COL6A6: variants seen among roughly 807,000 people sequenced by gnomAD.
COL6A6 encodes collagen alpha-6(VI) chain.
COL6A6 carries 183 observed loss-of-function variants against 208.6 expected under a neutral mutation model. The observed-to-expected ratio is 0.88, with a 90% confidence interval of 0.78 to 0.99. The LOEUF (loss-of-function observed/expected upper bound fraction) is 0.99, where lower values mean the gene tolerates loss of function less well. Among genes scored for constraint, COL6A6 ranks in the 50% least tolerant of loss-of-function variants. COL6A6 has a pLI of 0.00. For synonymous variants in COL6A6, 973 were observed against 1,011.8 expected (o/e 0.96, Z 0.73); for missense variants, 2,816 against 2,815.2 (o/e 1.00, Z -0.01).
chr3:130,659,726 G>C (rs1015754667), intron 34 of COL6A6, among the ~76,000 whole-genome samples: 1 of 152,156 alleles, frequency 6.6e-6, no homozygotes, highest in South Asian at 2.1e-4. Context: ...TCATTCTTCT[G>C]CTCCCTAAAC....
At chr3:130,593,476 A>C (rs1012334801) in intron 17 of COL6A6, among the ~76,000 whole-genome samples, 1 of 152,134 alleles carries the variant, frequency 6.6e-6, no homozygotes, top group African/African-American at 2.4e-5. Flanking sequence ...GCTTTACTCC[A>C]TCTGTCACTT....
At chr3:130,569,468 G>A (rs1161324632) in intron 6 of COL6A6, among the ~76,000 whole-genome samples, 1 of 152,144 alleles carries the variant, frequency 6.6e-6, no homozygotes, top group Non-Finnish European at 1.5e-5. Context: ...GACCCATAGG[G>A]CTTGATGACA....
At chr3:130,543,697 CACAT>C (rs2062427682) in intron 1 of COL6A6, among the ~76,000 whole-genome samples, 1 of 152,168 alleles carries the variant, frequency 6.6e-6, no homozygotes, top group South Asian at 2.1e-4. Context: ...TATACACACA[CACAT>C]ACAAGCATAT....
chr3:130,603,437 C>G (rs2064085710), intron 20 of COL6A6, among the ~76,000 whole-genome samples: 1 of 152,086 alleles, frequency 6.6e-6, no homozygotes, highest in Admixed American at 6.5e-5. Context: ...TAAGCTGTTA[C>G]CAGTGCTATG....
intron 36 of COL6A6, among the ~76,000 whole-genome samples, chr3:130,672,127 C>T (rs1398909848): frequency 6.6e-6 from 1 of 152,224 alleles, no homozygotes; most frequent in Non-Finnish European, 1.5e-5. Flanking sequence ...TGCATCCAGT[C>T]AACTAATAGA....
intron 12 of COL6A6, 80 bp from the exon 13 acceptor site, chr3:130,590,961 C>T: frequency 9.5e-7 from 1 of 1,050,900 alleles, no homozygotes; most frequent in Non-Finnish European, 1.4e-6. Flanking sequence ...TGAAGTAAAA[C>T]TGTAAAACTG....
At chr3:130,599,733 C>A (rs764489576) in intron 19 of COL6A6, 24 bp from the exon 20 acceptor site, 4 of 1,612,950 alleles carry the variant, frequency 2.5e-6, no homozygotes, top group Non-Finnish European at 2.5e-6. Context: ...ATTACCGTCA[C>A]ACATCTGTCT....
intron 26 of COL6A6, among the ~76,000 whole-genome samples, chr3:130,634,048 A>G (rs1412719136): frequency 1.5e-5 from 1 of 65,538 alleles, no homozygotes; most frequent in African/African-American, 1.5e-4. Context: ...AACTTAGAGT[A>G]TAATAAAAAA....
intron 7 of COL6A6, 75 bp downstream of exon 7, chr3:130,571,468 T>C: frequency 9.1e-7 from 1 of 1,104,834 alleles, no homozygotes; most frequent in Non-Finnish European, 1.3e-6. Context: ...GCAATGGCTC[T>C]CAGGAACAAG....
chr3:130,571,439 A>G (rs1434282726), intron 7 of COL6A6, 46 bp downstream of exon 7: 25 of 1,397,718 alleles, frequency 1.8e-5, no homozygotes, highest in Non-Finnish European at 2.3e-5. Context: ...GCAGAGGGAC[A>G]AATGAGAGAG....
chr3:130,587,586 G>A (rs996992337), intron 11 of COL6A6, among the ~76,000 whole-genome samples: 3 of 152,212 alleles, frequency 2.0e-5, no homozygotes, highest in African/African-American at 7.2e-5. Flanking sequence ...AAACTCAAGT[G>A]GTAAAGTGTC....
intron 33 of COL6A6, among the ~76,000 whole-genome samples, chr3:130,655,494 T>C (rs2108434028): frequency 6.6e-6 from 1 of 152,148 alleles, no homozygotes; most frequent in South Asian, 2.1e-4. Flanking sequence ...CAAATAAACT[T>C]GAAGAGCTCA....
In COL6A6 at chr3:130,565,600, A is replaced by T. The variant is rs777130542; in HGVS notation, c.1268A>T (p.Glu423Val). 1 of 1,611,806 alleles carries T rather than the reference A, an allele frequency of 6.2e-7. No homozygotes were observed. Among genetic ancestry groups the T allele is most frequent in the Non-Finnish European group, 8.5e-7 (1 of 1,178,884 alleles). ...GTCTCTGTCTTTTCAGAGAGGACTG[A>T]AACGCTCAAATCTGGTAAGGTCTTC... Reference protein sequence around the residue: ...HTVSVFSERTETLKSGCVDTE... With the variant: ...HTVSVFSERTVTLKSGCVDTE... Residue 423 changes from glutamate to valine, a missense_variant, in exon 4 of 37, where the codon GAA becomes GTA. Physicochemically the swap from Glu to Val is moderately radical, Grantham distance 121. Coordinates refer to ENST00000358511, the MANE Select transcript of COL6A6 (RefSeq NM_001102608.3).
At chr3:130,623,162 T>G (rs1479553734) in intron 24 of COL6A6, among the ~76,000 whole-genome samples, 1 of 151,934 alleles carries the variant, frequency 6.6e-6, no homozygotes, top group Non-Finnish European at 1.5e-5. Flanking sequence ...AGTGTAGAAA[T>G]ATTATGAAGC....
chr3:130,584,534 C>T (rs1253736094), intron 10 of COL6A6, among the ~76,000 whole-genome samples: 2 of 152,008 alleles, frequency 1.3e-5, no homozygotes, highest in Non-Finnish European at 2.9e-5. Context: ...CAGGAAAGTC[C>T]CAGGAAATGA....
chr3:130,607,096 A>C (rs901659662), intron 21 of COL6A6, 130 bp downstream of exon 21: 1 of 630,906 alleles, frequency 1.6e-6, no homozygotes, highest in Non-Finnish European at 2.6e-6. Flanking sequence ...AAAGCTGAAA[A>C]AATTTTAGGT....
At chr3:130,539,837 G>A (rs1265520981) in intron 1 of COL6A6, among the ~76,000 whole-genome samples, 2 of 152,132 alleles carry the variant, frequency 1.3e-5, no homozygotes. Flanking sequence ...CCTGCTGTCA[G>A]CATTTAAATG....
At chr3:130,557,910 A>G (rs2062802034) in intron 1 of COL6A6, among the ~76,000 whole-genome samples, 1 of 152,188 alleles carries the variant, frequency 6.6e-6, no homozygotes, top group African/African-American at 2.4e-5. Flanking sequence ...AGAGATCTAG[A>G]TTTTTTAAAA....
chr3:130,568,440 G>C lies in COL6A6; in HGVS notation c.2237G>C (p.Arg746Pro), dbSNP rs371129727. ...GTAAAGGAACCAGCAGTAGTGCTTC[G>C]GCAAGAAGGTGTAATCATCTATTCT... Reference protein sequence around the residue: ...DIVKEPAVVLRQEGVIIYSVG... With the variant: ...DIVKEPAVVLPQEGVIIYSVG... The change falls in exon 6 of 37, where the codon CGG becomes CCG. Residue 746 changes from arginine to proline, a missense_variant. Transcript: ENST00000358511. 6.2e-7 allele frequency: 1 copy of C among 1,613,928 alleles called. No individual in the cohort carries two copies. The highest frequency in any genetic ancestry group is 2.2e-5 in the East Asian group (1 of 44,886).
Sources: allele counts gnomAD v4.1 joint callset (sites outside exome capture counted in the v4.1 genomes callset), GRCh38; gene constraint gnomAD v4.1.1; transcripts MANE v1.5; gene names NCBI Gene and HGNC (gene_info 2026-07-23, HGNC 2026-07-21).